The following CNNM2 variants were observed in gnomAD, a reference collection of about 807,000 sequenced individuals.
CNNM2 encodes the protein cyclin and CBS domain divalent metal cation transport mediator 2, also known as metal transporter CNNM2.
In CNNM2, 12 loss-of-function variants were observed where a neutral mutation model predicts 66.9. That is an observed-to-expected ratio of 0.18 (90% CI 0.11 to 0.29). The LOEUF is 0.29. Among genes scored for constraint, CNNM2 ranks in the 10% least tolerant of loss-of-function variants. The probability of loss-of-function intolerance (pLI) is 1.00; values close to 1 mark genes in which losing one functional copy is unlikely to be tolerated. For missense variants in CNNM2, 705 were observed against 1,167.7 expected (o/e 0.60, Z 5.77); for synonymous variants, 557 against 501.8 (o/e 1.11, Z -1.47).
At chr10:102,994,027 C>T (rs529498715) in intron 1 of CNNM2, among the ~76,000 whole-genome samples, 4 of 152,238 alleles carry the variant, frequency 2.6e-5, no homozygotes, top group African/African-American at 9.6e-5. Context: ...ACCTCTGCCT[C>T]CCGGGTTCAA....
At chr10:103,037,035 G>A (rs1455499046) in intron 1 of CNNM2, among the ~76,000 whole-genome samples, 1 of 152,032 alleles carries the variant, frequency 6.6e-6, no homozygotes, top group Non-Finnish European at 1.5e-5. Flanking sequence ...AAGTAAATGG[G>A]ATCTTGAGCA....
intron 4 of CNNM2, among the ~76,000 whole-genome samples, chr10:103,063,698 C>G (rs940982987): frequency 6.6e-6 from 1 of 152,202 alleles, no homozygotes; most frequent in African/African-American, 2.4e-5. Context: ...AGTCCTTCTT[C>G]CAAGTTCGTC....
At position 103,085,055 on chromosome 10, in the gene CNNM2, C is replaced by G. The variant is rs186896451; in HGVS notation, c.*7875C>G. ...AGGACAAAGGGATGGTTCTAGGGCC[C>G]TTTTCTCTGACTTTCTGCTGGCATG... On this transcript the variant is annotated 3_prime_UTR_variant, in exon 8 of 8. Transcript: ENST00000369878. 6.6e-6 allele frequency: 1 copy of G among 152,094 alleles called. No homozygotes were observed. Among genetic ancestry groups the G allele is most frequent in the African/African-American group, 2.4e-5 (1 of 41,416 alleles). 9.4% of individuals were successfully genotyped at this position (152,094 alleles called of 1,614,324 possible).
At chr10:103,009,023 T>C (rs1388950587) in intron 1 of CNNM2, among the ~76,000 whole-genome samples, 1 of 152,158 alleles carries the variant, frequency 6.6e-6, no homozygotes, top group Non-Finnish European at 1.5e-5. Flanking sequence ...ACACCTGTAA[T>C]CCCAGCACTT....
At chr10:102,981,046 C>T (rs749748256) in intron 1 of CNNM2, among the ~76,000 whole-genome samples, 3 of 152,134 alleles carry the variant, frequency 2.0e-5, no homozygotes, top group Non-Finnish European at 4.4e-5. Context: ...CTTACCTTCA[C>T]AAATTAAGAA....
chr10:103,071,804 TCAG>T lies in CNNM2; in HGVS notation c.2202_2204del (p.Ser734del). 1 of 1,614,000 alleles carries T rather than the reference TCAG, an allele frequency of 6.2e-7. No homozygotes were observed. Among genetic ancestry groups the T allele is most frequent in the Non-Finnish European group, 8.5e-7 (1 of 1,179,878 alleles). ...TTGTCCCTGTCTCGTACCTTTGTTG[TCAG>T]CAGAACAGAGTTGTTAGCAGCAGGT... On this transcript the variant is annotated inframe_deletion, in exon 6 of 8. Transcript: ENST00000369878.
In CNNM2 at chr10:103,022,539, T is replaced by G. The variant is rs567186713; in HGVS notation, c.1622-27168T>G. On this transcript the variant is annotated intron_variant, in intron 1 of 7. Transcript: ENST00000369878. ...TAGTGACACTGTTAATAACTTGGGA[T>G]CAGCCATGGTAGGAATACTTACACC... 6.6e-5 allele frequency among the ~76,000 whole-genome samples: 10 copies of G among 152,270 alleles called. No homozygotes were observed. In the East Asian group the frequency reaches 1.9e-3, roughly 29 times the overall value.
At chr10:103,025,482 C>T (rs1387687140) in intron 1 of CNNM2, among the ~76,000 whole-genome samples, 1 of 152,220 alleles carries the variant, frequency 6.6e-6, no homozygotes, top group African/African-American at 2.4e-5. Context: ...TTATTTTCTC[C>T]ATCAACCTCT....
intron 1 of CNNM2, among the ~76,000 whole-genome samples, chr10:102,999,319 T>C (rs1187754652): frequency 6.6e-6 from 1 of 150,828 alleles, no homozygotes; most frequent in Non-Finnish European, 1.5e-5. Flanking sequence ...CCTGACCTTG[T>C]GATCTGCCCG....
intron 1 of CNNM2, among the ~76,000 whole-genome samples, chr10:102,936,631 G>A (rs1052283009): frequency 2.6e-5 from 4 of 151,798 alleles, no homozygotes; most frequent in African/African-American, 9.7e-5. Context: ...ATATTTTGTG[G>A]ACCATCTTCT....
chr10:103,039,389 G>A (rs2064999887), intron 1 of CNNM2, among the ~76,000 whole-genome samples: 1 of 152,146 alleles, frequency 6.6e-6, no homozygotes, highest in East Asian at 1.9e-4. Context: ...CGCCCGCCTC[G>A]GCCTCCCAAA....
At chr10:103,055,912 ACT>A (rs1199830104) in intron 3 of CNNM2, among the ~76,000 whole-genome samples, 1 of 152,014 alleles carries the variant, frequency 6.6e-6, no homozygotes, top group Non-Finnish European at 1.5e-5. Flanking sequence ...ACATGATGAA[ACT>A]CTATCTCCAC....
At chr10:103,015,919 A>G (rs533233380) in intron 1 of CNNM2, among the ~76,000 whole-genome samples, 87 of 152,278 alleles carry the variant, frequency 5.7e-4, no homozygotes, top group African/African-American at 1.9e-3. Context: ...ATGAATTACA[A>G]AAGCTCAAAG....
intron 1 of CNNM2, among the ~76,000 whole-genome samples, chr10:103,039,938 G>C (rs759686317): frequency 2.0e-4 from 30 of 152,162 alleles, no homozygotes; most frequent in Non-Finnish European, 4.3e-4. Flanking sequence ...AGGCCAAGAA[G>C]GGTGGATCAC....
chr10:102,979,095 C>A (rs747355463), intron 1 of CNNM2, among the ~76,000 whole-genome samples: 1 of 152,068 alleles, frequency 6.6e-6, no homozygotes, highest in Non-Finnish European at 1.5e-5. Flanking sequence ...CATTCTAGTA[C>A]GAGTCTTTTG....
chr10:103,030,029 A>C (rs1326497699), intron 1 of CNNM2, among the ~76,000 whole-genome samples: 1 of 152,136 alleles, frequency 6.6e-6, no homozygotes, highest in Admixed American at 6.5e-5. Context: ...TGATGCTTAC[A>C]TTGAATATTT....
At chr10:102,959,221 T>A (rs1442782375) in intron 1 of CNNM2, among the ~76,000 whole-genome samples, 1 of 152,204 alleles carries the variant, frequency 6.6e-6, no homozygotes, top group African/African-American at 2.4e-5. Context: ...CCTCGGCCAC[T>A]GTGCCTGGCT....
chr10:102,976,439 T>C (rs1421563930), intron 1 of CNNM2, among the ~76,000 whole-genome samples: 2 of 125,258 alleles, frequency 1.6e-5, no homozygotes, highest in East Asian at 4.5e-4. Flanking sequence ...TTTTTTTTTT[T>C]TTTTTTTTTT....
rs1474650057 is a variant in CNNM2 at position 102,958,495 on chromosome 10, G to A, written c.1621+38394G>A. On this transcript the variant is annotated intron_variant, in intron 1 of 7. Coordinates refer to ENST00000369878, the MANE Select transcript of CNNM2 (RefSeq NM_017649.5). ...TTTTTTTTTTTTTTTTTTTTGAGAT[G>A]GAGTCTCATCTGTCACCCAGGCTGG... Among the ~76,000 whole-genome samples, 4 of 107,510 alleles carry A rather than the reference G, an allele frequency of 3.7e-5. No homozygotes were observed. The East Asian group carries it at 1.2e-3, about 32-fold the overall frequency. The allele number at this position is 107,510 out of a possible 152,430, so 70.5% of individuals were successfully genotyped here.
Sources: gnomAD v4.1 joint callset for allele counts (sites outside exome capture counted in the v4.1 genomes callset) on GRCh38, gnomAD v4.1.1 for gene constraint, MANE v1.5 for transcripts, NCBI Gene and HGNC (gene_info 2026-07-23, HGNC 2026-07-21) for gene names.